HEATR4: variants seen among roughly 807,000 people sequenced by gnomAD.
HEATR4 encodes HEAT repeat-containing protein 4.
Under a neutral mutation model 108.8 loss-of-function variants are expected in HEATR4, and 95 were observed. The observed-to-expected ratio is 0.87, with a 90% CI of 0.74 to 1.04. The LOEUF (loss-of-function observed/expected upper bound fraction) is 1.04, where lower values mean the gene tolerates loss of function less well. Among genes scored for constraint, HEATR4 ranks in the 50% least tolerant of loss-of-function variants. The probability of loss-of-function intolerance (pLI) is 0.00; values close to 1 mark genes in which losing one functional copy is unlikely to be tolerated. For missense variants in HEATR4, 1,152 were observed against 1,253.8 expected, an observed-to-expected ratio of 0.92 and a Z score of 1.23; for synonymous variants, 443 against 459.4, an observed-to-expected ratio of 0.96 and a Z score of 0.46.
chr14:73,523,020 T>C lies in HEATR4; in HGVS notation c.133A>G (p.Ser45Gly). 6.2e-7 allele frequency: 1 copy of C among 1,614,216 alleles called. No homozygotes were observed. Among genetic ancestry groups the C allele is most frequent in the African/African-American group, 1.3e-5 (1 of 75,066 alleles). The change falls in exon 3 of 18, where the codon AGT (serine) becomes GGT (glycine). Residue 45 changes from serine to glycine, a missense_variant. Coordinates refer to ENST00000553558, the MANE Select transcript of HEATR4 (RefSeq NM_001220484.1). ...KGKEECASVSSVPMVFFSSQY... is the reference protein window; with the variant it reads ...KGKEECASVSGVPMVFFSSQY... Reference sequence around the variant, plus strand: ...GAGCTGAAGAAGACCATAGGCACACTGGAGACAGAGGCACACTCCTCCTTG... The same window carrying C: ...GAGCTGAAGAAGACCATAGGCACACCGGAGACAGAGGCACACTCCTCCTTG...
chr14:73,552,189 CT>C (rs1489535783), intron 1 of HEATR4, among the ~76,000 whole-genome samples: 2 of 110,670 alleles, frequency 1.8e-5, no homozygotes, highest in African/African-American at 6.1e-5. Flanking sequence ...ATTCTTTCTT[CT>C]GAGGAGGCAA....
chr14:73,490,353 C>T (rs1885630781), intron 17 of HEATR4, among the ~76,000 whole-genome samples: 1 of 152,142 alleles, frequency 6.6e-6, no homozygotes, highest in African/African-American at 2.4e-5. Context: ...CTCGCTCTGT[C>T]GCCCAGGCTG....
chr14:73,596,633 C>G, the HEATR4 span: 4 of 152,168 alleles, frequency 2.6e-5, no homozygotes, highest in Non-Finnish European at 5.9e-5. Context: ...CAGAGTCACT[C>G]TGTTGCCCAG....
chr14:73,591,432 G>A, the HEATR4 span, among the ~76,000 whole-genome samples: 2 of 152,208 alleles, frequency 1.3e-5, no homozygotes, highest in African/African-American at 4.8e-5. Context: ...TGTAATCCCA[G>A]GTACTCGGGA....
intron 17 of HEATR4, 51 bp from the exon 18 acceptor site, chr14:73,478,893 G>A (rs1364559775): frequency 1.4e-6 from 2 of 1,411,894 alleles, no homozygotes; most frequent in Non-Finnish European, 1.9e-6. Flanking sequence ...TGTCTCATGT[G>A]AGCGGCAGAG....
At chr14:73,505,435 C>T (rs921861973) in intron 10 of HEATR4, among the ~76,000 whole-genome samples, 9 of 151,772 alleles carry the variant, frequency 5.9e-5, no homozygotes, top group Middle Eastern at 6.8e-3. Flanking sequence ...CTCGCACTGT[C>T]GCCCAGGCTG....
At chr14:73,506,333 A>G (rs1249198076) in intron 10 of HEATR4, 134 bp downstream of exon 10, 4 of 638,120 alleles carry the variant, frequency 6.3e-6, no homozygotes, top group Non-Finnish European at 1.1e-5. Context: ...CTGGGCTAGA[A>G]GTAAGAAGTA....
chr14:73,615,403 AAAAACAAAAAAC>A, the HEATR4 span, among the ~76,000 whole-genome samples: 63 of 82,306 alleles, frequency 7.7e-4, 4 homozygotes, highest in African/African-American at 1.6e-3. Context: ...AAAAAAAAAA[AAAAACAAAAAAC>A]AAAAAAAACC....
chr14:73,597,825 C>A, the HEATR4 span, among the ~76,000 whole-genome samples: 1 of 151,854 alleles, frequency 6.6e-6, no homozygotes, highest in African/African-American at 2.4e-5. Context: ...AATCCCTGAC[C>A]TTGTGATCCA....
intron 14 of HEATR4, 86 bp downstream of exon 14, chr14:73,498,069 T>C: frequency 7.7e-7 from 1 of 1,299,986 alleles, no homozygotes; most frequent in Admixed American, 2.1e-5. Flanking sequence ...TTAGGTAGCC[T>C]GGAAAGGCAG....
the HEATR4 span, among the ~76,000 whole-genome samples, chr14:73,590,709 G>C: frequency 1.3e-5 from 2 of 151,822 alleles, no homozygotes; most frequent in African/African-American, 4.8e-5. Flanking sequence ...CGGGGCTTGC[G>C]GGCCGGCCGG....
chr14:73,632,987 CTT>C, the HEATR4 span, among the ~76,000 whole-genome samples: 2 of 139,676 alleles, frequency 1.4e-5, no homozygotes, highest in Non-Finnish European at 3.1e-5. Flanking sequence ...TGTAATTCAG[CTT>C]TCTCTCTCTC....
At chr14:73,616,492 A>T in the HEATR4 span, among the ~76,000 whole-genome samples, 1 of 152,072 alleles carries the variant, frequency 6.6e-6, no homozygotes, top group African/African-American at 2.4e-5. Context: ...CAGGAGTTCA[A>T]GACCAGCCTG....
chr14:73,480,512 A>G (rs1218693419), intron 17 of HEATR4, among the ~76,000 whole-genome samples: 1 of 152,070 alleles, frequency 6.6e-6, no homozygotes, highest in Non-Finnish European at 1.5e-5. Flanking sequence ...TTATTCTTAT[A>G]TTTGTTATAT....
At chr14:73,593,726 T>C in the HEATR4 span, 9 of 1,612,828 alleles carry the variant, frequency 5.6e-6, no homozygotes, top group African/African-American at 1.3e-5. Flanking sequence ...CCAGGGATCA[T>C]TGACATCTTT....
intron 16 of HEATR4, among the ~76,000 whole-genome samples, chr14:73,493,944 AATT>A (rs1885950849): frequency 6.6e-6 from 1 of 152,194 alleles, no homozygotes; most frequent in Non-Finnish European, 1.5e-5. Context: ...CTAGTAGAAA[AATT>A]ATTTTCTACC....
chr14:73,480,293 T>C (rs1386227400), intron 17 of HEATR4, among the ~76,000 whole-genome samples: 1 of 151,896 alleles, frequency 6.6e-6, no homozygotes, highest in Non-Finnish European at 1.5e-5. Context: ...AATACAAAAA[T>C]TAGCCAGGCA....
intron 2 of HEATR4, among the ~76,000 whole-genome samples, chr14:73,526,926 C>G (rs1192778839): frequency 6.6e-6 from 1 of 152,198 alleles, no homozygotes; most frequent in Admixed American, 6.5e-5. Flanking sequence ...CAACTCCAGA[C>G]AGCCCAGTGG....
chr14:73,515,671 CAAAAAAAAAAAAAAA>C (rs35601077), intron 5 of HEATR4, among the ~76,000 whole-genome samples: 2 of 33,486 alleles, frequency 6.0e-5, no homozygotes, highest in Admixed American at 5.1e-4. Flanking sequence ...GACTCCATCT[CAAAAAAAAAAAAAAA>C]AAAAAAAAAA....
Sources: gnomAD v4.1 joint callset for allele counts (sites outside exome capture counted in the v4.1 genomes callset) on GRCh38, gnomAD v4.1.1 for gene constraint, MANE v1.5 for transcripts, NCBI Gene and HGNC (gene_info 2026-07-23, HGNC 2026-07-21) for gene names.